BLNK: variants seen among roughly 807,000 people sequenced by gnomAD.
The protein encoded by BLNK is B-cell linker protein.
A neutral mutation model predicts 73.5 loss-of-function variants in BLNK; 29 were observed. The ratio of observed to expected loss-of-function variants is 0.39; its 90% CI spans 0.29 to 0.54. The LOEUF (loss-of-function observed/expected upper bound fraction) is 0.54. Among genes scored for constraint, BLNK ranks in the 20% least tolerant of loss-of-function variants. The pLI is 0.61. For synonymous variants in BLNK, 176 were observed against 200.8 expected, an observed-to-expected ratio of 0.88 and a Z score of 1.04; for missense variants, 460 against 562.8, an observed-to-expected ratio of 0.82 and a Z score of 1.85.
chr10:96,228,983 G>C (rs1294122017), intron 4 of BLNK, among the ~76,000 whole-genome samples: 2 of 151,644 alleles, frequency 1.3e-5, no homozygotes, highest in Admixed American at 6.6e-5. Context: ...ATATATATGG[G>C]GTATATGAGA....
chr10:96,189,747 A>G lies in BLNK; in HGVS notation c.*2226T>C. 1 of 741,816 alleles carries G rather than the reference A, an allele frequency of 1.3e-6. No individual in the cohort carries two copies. Among genetic ancestry groups the G allele is most frequent in the South Asian group, 1.4e-5 (1 of 72,160 alleles). 46.0% of individuals were successfully genotyped at this position (741,816 alleles called of 1,614,324 possible). On this transcript the variant is annotated 3_prime_UTR_variant, in exon 17 of 17. Coordinates refer to ENST00000224337, the MANE Select transcript of BLNK (RefSeq NM_013314.4). The stretch of plus-strand genomic sequence containing the variant: ...CATCATCATCATCTTCATCAGCAGC[A>G]AGTTTTACTTTTATTCTCTGGAATC...
chr10:96,215,420 T>C, intron 7 of BLNK, 31 bp from the exon 8 acceptor site: 1 of 1,548,238 alleles, frequency 6.5e-7, no homozygotes, highest in South Asian at 1.2e-5. Context: ...TGTATATATA[T>C]ATATATATAT....
rs1554902801 is a variant in BLNK at position 96,227,482 on chromosome 10, C to G, written c.289G>C (p.Glu97Gln). The G allele has an allele frequency of 6.2e-7, 1 of 1,614,240 alleles. No homozygotes were observed. Among genetic ancestry groups the G allele is most frequent in the South Asian group, 1.1e-5 (1 of 91,090 alleles). The change falls in exon 5 of 17, where the codon GAG (glutamate) becomes CAG (glutamine). Residue 97 changes from glutamate to glutamine, a missense_variant. Glu to Gln is a conservative substitution (Grantham distance 29, BLOSUM62 2). Coordinates refer to ENST00000224337, the MANE Select transcript of BLNK (RefSeq NM_013314.4). Reference sequence around the variant, plus strand: ...GTTTCCTGCTCTACTGGAGGCGGCTCGTAGCTGTCATCAGCGTTCTCCTCG... The same window carrying G: ...GTTTCCTGCTCTACTGGAGGCGGCTGGTAGCTGTCATCAGCGTTCTCCTCG... ...PAEENADDSY[E>Q]PPPVEQETRP...
At chr10:96,254,979 C>T (rs192983652) in intron 1 of BLNK, among the ~76,000 whole-genome samples, 4 of 152,292 alleles carry the variant, frequency 2.6e-5, no homozygotes, top group East Asian at 3.9e-4. Flanking sequence ...GCCTTGCCCC[C>T]GACCATTTAA....
At chr10:96,216,548 T>C (rs1483809981) in intron 7 of BLNK, 105 bp downstream of exon 7, 1 of 993,946 alleles carries the variant, frequency 1.0e-6, no homozygotes, top group South Asian at 1.3e-5. Flanking sequence ...GAGAAAGTCC[T>C]GGGCACTGTC....
chr10:96,256,576 C>G (rs782762970), intron 1 of BLNK, among the ~76,000 whole-genome samples: 4 of 151,622 alleles, frequency 2.6e-5, no homozygotes, highest in Admixed American at 1.3e-4. Context: ...AAATTGAAAA[C>G]TGACAATAAG....
At chr10:96,217,144 C>G (rs1554900072) in intron 6 of BLNK, among the ~76,000 whole-genome samples, 1 of 152,162 alleles carries the variant, frequency 6.6e-6, no homozygotes, top group Non-Finnish European at 1.5e-5. Context: ...GTATGTATCA[C>G]AACTCCCGTC....
intron 16 of BLNK, among the ~76,000 whole-genome samples, chr10:96,192,358 ATAT>A (rs1160150320): frequency 6.6e-6 from 1 of 152,192 alleles, no homozygotes; most frequent in Non-Finnish European, 1.5e-5. Flanking sequence ...TTATGATAAA[ATAT>A]TATAGTATAT....
At position 96,190,665 on chromosome 10, in the gene BLNK, C is replaced by T. The variant is rs1471402463; in HGVS notation, c.*1308G>A. 6.6e-6 allele frequency among the ~76,000 whole-genome samples: 1 copy of T among 152,156 alleles called. No individual in the cohort carries two copies. The highest frequency in any genetic ancestry group is 2.4e-5 in the African/African-American group (1 of 41,420). ...CCTTTCAACATACTTTCATAGATTG[C>T]TATCTTATGCAGTGGCCAAGTGTGT... On this transcript the variant is annotated 3_prime_UTR_variant, in exon 17 of 17. Transcript: ENST00000224337.
chr10:96,248,857 G>T (rs533373553), intron 1 of BLNK, among the ~76,000 whole-genome samples: 3 of 152,152 alleles, frequency 2.0e-5, no homozygotes, highest in Admixed American at 2.0e-4. Context: ...TTCTAAAAAG[G>T]GGATTATTAC....
chr10:96,230,318 G>A (rs1842447126), intron 4 of BLNK, among the ~76,000 whole-genome samples: 1 of 152,106 alleles, frequency 6.6e-6, no homozygotes, highest in South Asian at 2.1e-4. Context: ...TCTGAATTGT[G>A]GAACTGCAAG....
At chr10:96,220,563 C>G (rs1195512845) in intron 6 of BLNK, among the ~76,000 whole-genome samples, 1 of 152,190 alleles carries the variant, frequency 6.6e-6, no homozygotes, top group Non-Finnish European at 1.5e-5. Flanking sequence ...AGAACCATCA[C>G]ATTTTATGTC....
chr10:96,264,875 T>C (rs1261344269), intron 1 of BLNK, among the ~76,000 whole-genome samples: 1 of 152,206 alleles, frequency 6.6e-6, no homozygotes, highest in African/African-American at 2.4e-5. Flanking sequence ...CTCCACCAGC[T>C]GCTTTGTCTT....
Position 96,200,275 on chromosome 10 carries a change from T to A in BLNK, c.1012-117A>T, listed in dbSNP as rs1554895774. ...AGACAGGCCTCTACATTTACACCAA[T>A]AATTTTAAGATGAGTTTTATTTTTC... On this transcript the variant is annotated intron_variant, in intron 14 of 16. Transcript: ENST00000224337. This position sits in a 1 kb window ranked among gnomAD's most constrained non-coding sequence, Gnocchi z 4.3. 1.5e-6 allele frequency: 1 copy of A among 677,466 alleles called. No homozygotes were observed. The highest frequency in any genetic ancestry group is 2.6e-6 in the Non-Finnish European group (1 of 386,500). 42.0% of individuals were successfully genotyped at this position (677,466 alleles called of 1,614,324 possible). A position where few individuals can be genotyped will look rare whatever the true frequency, so the allele number is the denominator to read the frequency against.
At chr10:96,207,961 C>T (rs2083860977) in intron 9 of BLNK, 62 bp from the exon 10 acceptor site, 20 of 1,538,578 alleles carry the variant, frequency 1.3e-5, no homozygotes, top group Non-Finnish European at 1.7e-5. Context: ...GAGCTATTTA[C>T]CATTATTTTA....
chr10:96,200,017 A>G lies in BLNK; in HGVS notation c.1095+58T>C. On this transcript the variant is annotated intron_variant, in intron 15 of 16. Coordinates refer to ENST00000224337, the MANE Select transcript of BLNK (RefSeq NM_013314.4). The surrounding 1 kb of genome is among the most constrained non-coding windows in gnomAD (Gnocchi z 4.3). ...CACTCCAGTGAAACTGCATCATCTC[A>G]AAACAAATAAATAAAATAAAATAAA... is the stretch of plus-strand genomic sequence containing the variant. The G allele has an allele frequency of 8.0e-7, 1 of 1,243,822 alleles. No homozygotes were observed. Among genetic ancestry groups the G allele is most frequent in the Non-Finnish European group, 1.0e-6 (1 of 960,496 alleles). 77.0% of individuals were successfully genotyped at this position (1,243,822 alleles called of 1,614,324 possible).
chr10:96,201,660 C>A (rs1241456051), intron 13 of BLNK, among the ~76,000 whole-genome samples: 1 of 152,134 alleles, frequency 6.6e-6, no homozygotes, highest in Non-Finnish European at 1.5e-5. Flanking sequence ...CTGAGAATTG[C>A]TGACTTCAGG....
chr10:96,226,089 G>A (rs1315215697), intron 5 of BLNK, among the ~76,000 whole-genome samples: 2 of 152,198 alleles, frequency 1.3e-5, no homozygotes, highest in Non-Finnish European at 2.9e-5. Context: ...GCTGGGCTTC[G>A]GAAGCTGAGA....
At chr10:96,254,850 A>C (rs533347811) in intron 1 of BLNK, among the ~76,000 whole-genome samples, 2 of 152,272 alleles carry the variant, frequency 1.3e-5, no homozygotes, top group Admixed American at 1.3e-4. Flanking sequence ...TAGACCTTAC[A>C]TCAATTGGCA....
Sources: allele counts gnomAD v4.1 joint callset (sites outside exome capture counted in the v4.1 genomes callset), GRCh38; gene constraint gnomAD v4.1.1; non-coding constraint Gnocchi (gnomAD v3.1); transcripts MANE v1.5; gene names NCBI Gene and HGNC (gene_info 2026-07-23, HGNC 2026-07-21).